The following MAD1L1 variants were observed in gnomAD, a reference collection of about 807,000 sequenced individuals.
The protein encoded by MAD1L1 is mitotic spindle assembly checkpoint protein MAD1.
Under a neutral mutation model 96.9 loss-of-function variants are expected in MAD1L1, and 95 were observed. The observed-to-expected ratio is 0.98, with a 90% confidence interval of 0.83 to 1.16. The LOEUF (loss-of-function observed/expected upper bound fraction) is 1.16, where lower values mean the gene tolerates loss of function less well. MAD1L1 is among the 50% of genes most tolerant of loss of function. The pLI is 0.00. For missense variants in MAD1L1, 1,007 were observed against 954.4 expected, an observed-to-expected ratio of 1.06 and a Z score of -0.73; for synonymous variants, 473 against 396.6, an observed-to-expected ratio of 1.19 and a Z score of -2.29.
chr7:2,168,575 G>C (rs1041849031), intron 10 of MAD1L1, among the ~76,000 whole-genome samples: 1 of 152,220 alleles, frequency 6.6e-6, no homozygotes, highest in Non-Finnish European at 1.5e-5. Flanking sequence ...CCTTAAAAGG[G>C]AGGAAGGGAC....
intron 16 of MAD1L1, among the ~76,000 whole-genome samples, chr7:1,953,756 T>G (rs1296933720): frequency 1.3e-5 from 2 of 152,210 alleles, no homozygotes; most frequent in African/African-American, 4.8e-5. Context: ...AACGTATCTT[T>G]AAATGTTCAT....
chr7:2,128,823 C>T (rs969478611), intron 11 of MAD1L1, among the ~76,000 whole-genome samples: 1 of 152,226 alleles, frequency 6.6e-6, no homozygotes, highest in Non-Finnish European at 1.5e-5. Flanking sequence ...CCACACCACG[C>T]CTCCCCAGGA....
intron 11 of MAD1L1, among the ~76,000 whole-genome samples, chr7:2,078,045 G>A (rs972940285): frequency 6.6e-6 from 1 of 152,206 alleles, no homozygotes; most frequent in Admixed American, 6.5e-5. Flanking sequence ...TCCTTGCTAA[G>A]AGGGAACACC....
intron 12 of MAD1L1, among the ~76,000 whole-genome samples, chr7:2,023,187 G>T (rs545543576): frequency 2.4e-4 from 36 of 152,136 alleles, no homozygotes; most frequent in Middle Eastern, 3.4e-3. Context: ...CAATCAACTG[G>T]GTCTAAATGA....
At chr7:2,195,134 C>T (rs561378182) in intron 10 of MAD1L1, among the ~76,000 whole-genome samples, 1 of 151,496 alleles carries the variant, frequency 6.6e-6, no homozygotes, top group African/African-American at 2.4e-5. Context: ...GCTTAGAAAA[C>T]TTACAGATAA....
At chr7:1,998,744 C>T (rs1302673939) in intron 14 of MAD1L1, among the ~76,000 whole-genome samples, 7 of 151,702 alleles carry the variant, frequency 4.6e-5, no homozygotes, top group South Asian at 2.1e-4. Context: ...GCCAACCCCC[C>T]GCCAAGCCCC....
At chr7:1,973,333 T>G (rs952181206) in intron 15 of MAD1L1, among the ~76,000 whole-genome samples, 5 of 152,068 alleles carry the variant, frequency 3.3e-5, no homozygotes, top group African/African-American at 9.7e-5. Flanking sequence ...GGGGGCAGAG[T>G]GGGAGTTCTG....
rs549578563 is a variant in MAD1L1 at position 2,014,790 on chromosome 7, G to A, written c.1219-148C>T. The A allele has an allele frequency of 6.0e-5, 52 of 866,298 alleles. No individual in the cohort carries two copies. The African/African-American group carries it at 8.3e-4, about 14-fold the overall frequency. The allele number at this position is 866,298 out of a possible 1,614,324, so 53.7% of individuals were successfully genotyped here. On this transcript the variant is annotated intron_variant, in intron 12 of 18. Coordinates refer to ENST00000265854, the MANE Select transcript of MAD1L1 (RefSeq NM_001013836.2). ...CAGCACTCAGAGCCCACCCCTGAGG[G>A]CCCACCAAAGTGAAGAGGGCCCCAG...
In MAD1L1 at chr7:2,042,670, G is replaced by A. The variant is rs561541057; in HGVS notation, c.1218+26524C>T. On this transcript the variant is annotated intron_variant, in intron 12 of 18. Transcript: ENST00000265854. ...GAGGAGTGTTGTTGGAAAGATTCTG[G>A]AACCTCAAGTGTCTCTCTTGCTCCT... 3.9e-5 allele frequency among the ~76,000 whole-genome samples: 6 copies of A among 152,298 alleles called. No individual in the cohort carries two copies. The South Asian group carries it at 1.2e-3, about 32-fold the overall frequency.
At chr7:2,094,995 G>C (rs1786410191) in intron 11 of MAD1L1, among the ~76,000 whole-genome samples, 2 of 152,076 alleles carry the variant, frequency 1.3e-5, no homozygotes. Context: ...GCAAAATGAA[G>C]TTTTTCAAAC....
At chr7:1,941,013 C>CTCCCAGGCCTCAGCCTCCTCTTCCTCT (rs143896454) in intron 16 of MAD1L1, among the ~76,000 whole-genome samples, 57 of 149,382 alleles carry the variant, frequency 3.8e-4, no homozygotes, top group Middle Eastern at 3.5e-3. Context: ...TCCTCTTCCT[C>CTCCCAGGCCTCAGCCTCCTCTTCCTCT]CCCAGGCTTC....
chr7:2,215,768 C>T, intron 9 of MAD1L1, 117 bp downstream of exon 9: 1 of 917,110 alleles, frequency 1.1e-6, no homozygotes, highest in Non-Finnish European at 1.8e-6. Context: ...CCTCCCACCC[C>T]ATCACAGCAA....
chr7:1,867,383 T>C (rs1784827767), intron 18 of MAD1L1, among the ~76,000 whole-genome samples: 1 of 152,138 alleles, frequency 6.6e-6, no homozygotes, highest in African/African-American at 2.4e-5. Context: ...GGGTCCAGCA[T>C]GGAAGGCGGC....
rs955417952 is a variant in MAD1L1 at position 2,116,029 on chromosome 7, C to T, written c.1073+33123G>A. Among the ~76,000 whole-genome samples the T allele has an allele frequency of 3.9e-5, 6 of 152,246 alleles. No individual in the cohort carries two copies. In the South Asian group the frequency reaches 6.2e-4, roughly 16 times the overall value. On this transcript the variant is annotated intron_variant, in intron 11 of 18. Coordinates refer to ENST00000265854, the MANE Select transcript of MAD1L1 (RefSeq NM_001013836.2). Reference sequence around the variant, plus strand: ...TGGGGCCCAGCCCCACTGCCCACCACTTAACCACACTCCCTAACCCGAATA... The same window carrying T: ...TGGGGCCCAGCCCCACTGCCCACCATTTAACCACACTCCCTAACCCGAATA...
At chr7:1,887,981 G>GTGCA (rs1410298789) in intron 18 of MAD1L1, among the ~76,000 whole-genome samples, 2 of 98,558 alleles carry the variant, frequency 2.0e-5, no homozygotes, top group African/African-American at 4.5e-5. Context: ...GCATGTGTGT[G>GTGCA]TGCATGCATG....
rs374409040 is a variant in MAD1L1, at chr7:2,014,485, C to A, written c.1359+17G>T. 1 of 1,550,704 alleles carries A rather than the reference C, an allele frequency of 6.4e-7. No individual in the cohort carries two copies. The highest frequency in any genetic ancestry group is 8.7e-7 in the Non-Finnish European group (1 of 1,149,410). On this transcript the variant is annotated intron_variant, in intron 13 of 18. Transcript: ENST00000265854. Reference sequence around the variant, plus strand: ...GCCCCACCTGGCGACGTGAGCCCCACGCCCGCGGCCCCTCACCTCCATCTC... The same window carrying A: ...GCCCCACCTGGCGACGTGAGCCCCAAGCCCGCGGCCCCTCACCTCCATCTC...
rs556775479 is a variant in MAD1L1 at position 2,142,034 on chromosome 7, C to T, written c.1073+7118G>A. On this transcript the variant is annotated intron_variant, in intron 11 of 18. Transcript: ENST00000265854. The surrounding 1 kb of genome is among the most constrained non-coding windows in gnomAD (Gnocchi z 4.7). ...CCTGCTCCCCTGTCACCTTGAGCAG[C>T]GCACTCTGGGGCACCTGACTCACTG... is the stretch of plus-strand genomic sequence containing the variant. 2.7e-4 allele frequency among the ~76,000 whole-genome samples: 41 copies of T among 152,312 alleles called. No individual in the cohort carries two copies. Among genetic ancestry groups the T allele is most frequent in the African/African-American group, 9.4e-4 (39 of 41,562 alleles).
At chr7:1,966,097 G>T (rs1005521106) in intron 15 of MAD1L1, among the ~76,000 whole-genome samples, 1 of 152,256 alleles carries the variant, frequency 6.6e-6, no homozygotes, top group African/African-American at 2.4e-5. Context: ...TAGCTAAGCT[G>T]ACAGGCACTG....
At chr7:1,910,661 G>A (rs376011477) in intron 17 of MAD1L1, among the ~76,000 whole-genome samples, 4 of 152,242 alleles carry the variant, frequency 2.6e-5, no homozygotes, top group African/African-American at 4.8e-5. Flanking sequence ...CTGAGATCGC[G>A]TGTTTGCCCG....
Sources: allele counts gnomAD v4.1 joint callset (sites outside exome capture counted in the v4.1 genomes callset), GRCh38; gene constraint gnomAD v4.1.1; non-coding constraint Gnocchi (gnomAD v3.1); transcripts MANE v1.5; gene names NCBI Gene and HGNC (gene_info 2026-07-23, HGNC 2026-07-21).